Variants in CRYBA2 observed in about 807,000 individuals in gnomAD.
CRYBA2 encodes the protein beta-crystallin A2.
A neutral mutation model predicts 18.5 loss-of-function variants in CRYBA2; 17 were observed. The observed-to-expected ratio is 0.92, with a 90% CI of 0.63 to 1.38. CRYBA2 has a LOEUF of 1.38. Ranked by LOEUF, CRYBA2 falls within the 40% of genes most tolerant of loss-of-function variation. CRYBA2 has a pLI of 0.00. For missense variants in CRYBA2, 271 were observed against 265.0 expected (o/e 1.02, Z -0.16); for synonymous variants, 101 against 106.2 (o/e 0.95, Z 0.30).
intron 2 of CRYBA2, chr2:218,991,285 G>A (rs1402358110): frequency 1.3e-5 from 4 of 297,264 alleles, no homozygotes; most frequent in Non-Finnish European, 2.5e-5. Context: ...TTGTGACATG[G>A]GCCCATTTTG....
chr2:218,992,258 G>A lies in CRYBA2; in HGVS notation c.162-15C>T, dbSNP rs1945506835. The stretch of plus-strand genomic sequence containing the variant: ...AGGCCACCCAACTGGAAAAGGAGAA[G>A]AGCTGGGAGGTATCTGCCCCAGCCG... On this transcript the variant is annotated splice_polypyrimidine_tract_variant and intron_variant, in intron 1 of 3. Transcript: ENST00000295728. 1.9e-6 allele frequency: 3 copies of A among 1,611,704 alleles called. No homozygotes were observed. The highest frequency in any genetic ancestry group is 1.7e-5 in the Admixed American group (1 of 59,850).
At chr2:218,991,377 C>G in intron 2 of CRYBA2, 1 of 179,740 alleles carries the variant, frequency 5.6e-6, no homozygotes, top group Non-Finnish European at 1.2e-5. Flanking sequence ...ACTAACTACC[C>G]AAGCCCTTGC....
chr2:218,993,152 G>A lies in CRYBA2; in HGVS notation c.25C>T (p.Pro9Ser). Reference protein sequence around the residue: MSSAPAPGPAPASLTLWDE... With the variant: MSSAPAPGSAPASLTLWDE... Reference sequence around the variant, plus strand: ...CAGAGCGTGAGGCTGGCGGGCGCCGGGCCCGGCGCGGGGGCGCTGCTCATG... The same window carrying A: ...CAGAGCGTGAGGCTGGCGGGCGCCGAGCCCGGCGCGGGGGCGCTGCTCATG... The change falls in exon 1 of 4, where the codon CCG (proline) becomes TCG (serine). Residue 9 changes from proline (P) to serine (S), a missense_variant. Physicochemically the swap from Pro to Ser is moderately conservative, Grantham distance 74. Coordinates refer to ENST00000295728, the MANE Select transcript of CRYBA2 (RefSeq NM_057093.2). The surrounding 1 kb of genome is among the most constrained non-coding windows in gnomAD (Gnocchi z 7.7). 3.1e-6 allele frequency: 5 copies of A among 1,606,092 alleles called. No homozygotes were observed. The highest frequency in any genetic ancestry group is 4.2e-6 in the Non-Finnish European group (5 of 1,176,946).
chr2:218,991,997 T>G, intron 2 of CRYBA2, 105 bp downstream of exon 2: 1 of 956,362 alleles, frequency 1.0e-6, no homozygotes, highest in East Asian at 2.9e-5. Context: ...TCTCGGAGTT[T>G]GTTTACACAC....
At chr2:218,991,499 C>A (rs1945497263) in intron 2 of CRYBA2, 1 of 155,498 alleles carries the variant, frequency 6.4e-6, no homozygotes, top group Admixed American at 6.5e-5. Flanking sequence ...TTGGCTCCGG[C>A]CTTCCCACTG....
At position 218,992,104 on chromosome 2, in the gene CRYBA2, C is replaced by G; in HGVS notation, c.301G>C (p.Ala101Pro). 1 of 1,611,940 alleles carries G rather than the reference C, an allele frequency of 6.2e-7. No homozygotes were observed. Among genetic ancestry groups the G allele is most frequent in the South Asian group, 1.1e-5 (1 of 90,744 alleles). ...QLLSFRPVLC[A>P]NHNDSRVTLF... ...GAGGAGAAGTGGGCTGTGCTCACCG[C>G]GCAGAGCACTGGCCGGAAGGACAGC... The change falls in exon 2 of 4, where the codon GCG becomes CCG. Residue 101 changes from alanine to proline, a missense_variant and splice_region_variant. By Grantham distance (27) the Ala-to-Pro change is conservative (BLOSUM62 -1). Transcript: ENST00000295728.
At position 218,993,208 on chromosome 2, in the gene CRYBA2, G is replaced by T. The variant is rs1319002135; in HGVS notation, c.-32C>A. 4 of 1,550,036 alleles carry T rather than the reference G, an allele frequency of 2.6e-6. No individual in the cohort carries two copies. The highest frequency in any genetic ancestry group is 2.6e-6 in the Non-Finnish European group (3 of 1,149,952). ...GCGGACAGGAAGGGTGGCACCACGC[G>T]CTCAGCGTCTCAAGAGCCCCGTTTC... On this transcript the variant is annotated 5_prime_UTR_variant, in exon 1 of 4. Transcript: ENST00000295728. The surrounding 1 kb of genome is among the most constrained non-coding windows in gnomAD (Gnocchi z 7.7).
intron 1 of CRYBA2, among the ~76,000 whole-genome samples, chr2:218,992,669 G>A (rs1945511978): frequency 6.6e-6 from 1 of 152,158 alleles, no homozygotes; most frequent in Admixed American, 6.5e-5. Flanking sequence ...GTGGGGCCAG[G>A]GAAAGGGATT....
Position 218,993,154 on chromosome 2 carries a change from C to A in CRYBA2, c.23G>T (p.Gly8Val). 1 of 1,599,466 alleles carries A rather than the reference C, an allele frequency of 6.3e-7. No homozygotes were observed. The highest frequency in any genetic ancestry group is 8.5e-7 in the Non-Finnish European group (1 of 1,173,450). Reference sequence around the variant, plus strand: ...GAGCGTGAGGCTGGCGGGCGCCGGGCCCGGCGCGGGGGCGCTGCTCATGCC... The same window carrying A: ...GAGCGTGAGGCTGGCGGGCGCCGGGACCGGCGCGGGGGCGCTGCTCATGCC... MSSAPAP[G>V]PAPASLTLWD... is the part of the protein sequence containing the mutation. The change falls in exon 1 of 4, where the codon GGC becomes GTC. Residue 8 changes from glycine (G) to valine (V), a missense_variant. By Grantham distance (109) the Gly-to-Val change is moderately radical. Transcript: ENST00000295728. This position sits in a 1 kb window ranked among gnomAD's most constrained non-coding sequence, Gnocchi z 7.7.
In CRYBA2 at chr2:218,990,229, G is replaced by A. The variant is rs1945478434; in HGVS notation, c.*23C>T. On this transcript the variant is annotated 3_prime_UTR_variant, in exon 4 of 4. Transcript: ENST00000295728. ...GGAACCTTTATTGAGTGTCCTCAGG[G>A]AAGGTGTCTGGGGCCGTGGAGCCTA... 3 of 1,613,848 alleles carry A rather than the reference G, an allele frequency of 1.9e-6. No individual in the cohort carries two copies. In the East Asian group the frequency reaches 6.7e-5, roughly 36 times the overall value.
At chr2:218,992,873 G>T in intron 1 of CRYBA2, 143 bp downstream of exon 1, 1 of 607,156 alleles carries the variant, frequency 1.6e-6, no homozygotes, top group Non-Finnish European at 2.9e-6. Flanking sequence ...GCGATGGGTG[G>T]GGAATTTTGG....
In CRYBA2 at chr2:218,992,962, G is replaced by T. The variant is rs376897868; in HGVS notation, c.161+54C>A. The T allele has an allele frequency of 5.1e-5, 75 of 1,457,418 alleles. No homozygotes were observed. In the African/African-American group the frequency reaches 8.6e-4, roughly 17 times the overall value. The allele number at this position is 1,457,418 out of a possible 1,614,324, so 90.3% of individuals were successfully genotyped here. A position where few individuals can be genotyped will look rare whatever the true frequency, so the allele number is the denominator to read the frequency against. Reference sequence around the variant, plus strand: ...GGGGCTGAGGCTCTGAGCCTAGGCCGGTGGAACCCAGCGCCCCTCAACCCA... The same window carrying T: ...GGGGCTGAGGCTCTGAGCCTAGGCCTGTGGAACCCAGCGCCCCTCAACCCA... On this transcript the variant is annotated intron_variant, in intron 1 of 3. Transcript: ENST00000295728.
In CRYBA2 at chr2:218,992,194, C is replaced by G; in HGVS notation, c.211G>C (p.Glu71Gln). The stretch of plus-strand genomic sequence containing the variant: ...CTCCAGCGAGGATAGTCTCCCTTCT[C>G]CAGAATGAACTGCTGTCCCTGGAAG... ...PDFQGQQFIL[E>Q]KGDYPRWSAW... The change falls in exon 2 of 4, where the codon GAG becomes CAG. Residue 71 changes from glutamate (E) to glutamine (Q), a missense_variant. Transcript: ENST00000295728. 7 of 1,613,692 alleles carry G rather than the reference C, an allele frequency of 4.3e-6. No individual in the cohort carries two copies. The highest frequency in any genetic ancestry group is 5.9e-6 in the Non-Finnish European group (7 of 1,179,968).
chr2:218,993,215 G>A lies in CRYBA2; in HGVS notation c.-39C>T, dbSNP rs1289626546. 1 of 1,548,250 alleles carries A rather than the reference G, an allele frequency of 6.5e-7. No homozygotes were observed. The highest frequency in any genetic ancestry group is 1.2e-5 in the South Asian group (1 of 85,720). The stretch of plus-strand genomic sequence containing the variant: ...GGAAGGGTGGCACCACGCGCTCAGC[G>A]TCTCAAGAGCCCCGTTTCGAGCCAC... On this transcript the variant is annotated 5_prime_UTR_variant, in exon 1 of 4. The change creates a new upstream start codon in the 5' untranslated region. Transcript: ENST00000295728. The surrounding 1 kb of genome is among the most constrained non-coding windows in gnomAD (Gnocchi z 7.7).
chr2:218,992,308 C>T (rs1945507438), intron 1 of CRYBA2, 65 bp from the exon 2 acceptor site: 9 of 1,538,918 alleles, frequency 5.8e-6, no homozygotes, highest in African/African-American at 2.7e-5. Context: ...TCCCCCTTGC[C>T]GGCCATGATT....
intron 3 of CRYBA2, 146 bp from the exon 4 acceptor site, chr2:218,990,545 C>T (rs1945483989): frequency 9.5e-7 from 1 of 1,048,970 alleles, no homozygotes. Context: ...TCTCTCCCTC[C>T]CCTGCCCACT....
In CRYBA2 at chr2:218,990,235, G is replaced by T; in HGVS notation, c.*17C>A. ...TTTATTGAGTGTCCTCAGGGAAGGT[G>T]TCTGGGGCCGTGGAGCCTAGTGCTG... is the stretch of plus-strand genomic sequence containing the variant. On this transcript the variant is annotated 3_prime_UTR_variant, in exon 4 of 4. Transcript: ENST00000295728. 6.2e-7 allele frequency: 1 copy of T among 1,614,040 alleles called. No homozygotes were observed. Among genetic ancestry groups the T allele is most frequent in the South Asian group, 1.1e-5 (1 of 91,080 alleles).
chr2:218,990,649 C>T (rs879858307), intron 3 of CRYBA2, among the ~76,000 whole-genome samples: 16 of 151,674 alleles, frequency 1.1e-4, no homozygotes, highest in Admixed American at 6.6e-4. Flanking sequence ...TTCATCTGTG[C>T]CCATATTGCC....
Position 218,993,033 on chromosome 2 carries a change from G to T in CRYBA2, c.144C>A (p.Val48=). Residue 48 remains valine, a synonymous_variant, in exon 1 of 4, where the codon GTC becomes GTA. Transcript: ENST00000295728. The surrounding 1 kb of genome is among the most constrained non-coding windows in gnomAD (Gnocchi z 7.7). Reference sequence around the variant, plus strand: ...TCACTCACACGCCGTTTTCCACCTTGACCGAGCGCACCCTGGGCAGGCCTC... The same window carrying T: ...TCACTCACACGCCGTTTTCCACCTTTACCGAGCGCACCCTGGGCAGGCCTC... ...ERGGLPRVRS[V]KVENGVWVAF... 6.2e-7 allele frequency: 1 copy of T among 1,605,986 alleles called. No homozygotes were observed. The highest frequency in any genetic ancestry group is 1.1e-5 in the South Asian group (1 of 90,806).
Sources: allele counts gnomAD v4.1 joint callset (sites outside exome capture counted in the v4.1 genomes callset), GRCh38; gene constraint gnomAD v4.1.1; non-coding constraint Gnocchi (gnomAD v3.1); transcripts MANE v1.5; gene names NCBI Gene and HGNC (gene_info 2026-07-23, HGNC 2026-07-21).